The following AGMO variants were observed in gnomAD, a reference collection of about 807,000 sequenced individuals.
AGMO encodes alkylglycerol monooxygenase.
A neutral mutation model predicts 60.2 loss-of-function variants in AGMO; 75 were observed. The observed-to-expected ratio is 1.25, with a 90% CI of 1.03 to 1.51. The LOEUF (loss-of-function observed/expected upper bound fraction) is 1.51, where lower values mean the gene tolerates loss of function less well. AGMO is among the 40% of genes most tolerant of loss of function. The pLI is 0.00. For missense variants in AGMO, 763 were observed against 525.5 expected (o/e 1.45, Z -4.42); for synonymous variants, 261 against 177.1 (o/e 1.47, Z -3.76).
chr7:15,376,309 G>A lies in AGMO; in HGVS notation c.1074+9137C>T, dbSNP rs79651114. Among the ~76,000 whole-genome samples, 596 of 152,076 alleles carry A rather than the reference G, an allele frequency of 3.9e-3. 4 individuals carry two copies. Among genetic ancestry groups the A allele is most frequent in the African/African-American group, 0.014 (568 of 41,464 alleles). On this transcript the variant is annotated intron_variant, in intron 10 of 12. Coordinates refer to ENST00000342526, the MANE Select transcript of AGMO (RefSeq NM_001004320.2). ...ACATTGACTTGAAAACTTTCATGAA[G>A]AACCTAAGCTAGATCTAATTTGTGC...
chr7:15,499,908 C>CAA, intron 3 of AGMO, among the ~76,000 whole-genome samples: 1 of 34,442 alleles, frequency 2.9e-5, no homozygotes, highest in East Asian at 2.6e-3. Context: ...ATGTATTACG[C>CAA]ACACACACAC....
chr7:15,322,604 A>C (rs1244056629), intron 12 of AGMO, among the ~76,000 whole-genome samples: 35 of 42,644 alleles, frequency 8.2e-4, no homozygotes, highest in African/African-American at 1.5e-3. Flanking sequence ...ATATATATAA[A>C]TATATATAAA....
At chr7:15,154,486 C>T in the AGMO span, among the ~76,000 whole-genome samples, 9 of 152,086 alleles carry the variant, frequency 5.9e-5, no homozygotes, top group Non-Finnish European at 1.3e-4. Flanking sequence ...TACTTTGAGC[C>T]TTTGGGTGTC....
the AGMO span, among the ~76,000 whole-genome samples, chr7:15,130,912 T>C: frequency 6.6e-6 from 1 of 152,172 alleles, no homozygotes; most frequent in African/African-American, 2.4e-5. Flanking sequence ...TTGTTTGAAA[T>C]AATTAACTTC....
chr7:15,223,704 G>A (rs2128497611), intron 12 of AGMO, among the ~76,000 whole-genome samples: 1 of 151,996 alleles, frequency 6.6e-6, no homozygotes, highest in South Asian at 2.1e-4. Flanking sequence ...CCTAGACAAT[G>A]CATAGTCTCT....
intron 6 of AGMO, among the ~76,000 whole-genome samples, chr7:15,393,156 G>T (rs1480869717): frequency 6.6e-6 from 1 of 152,166 alleles, no homozygotes; most frequent in Non-Finnish European, 1.5e-5. Context: ...GTTGAGTTTG[G>T]AAGAGGAAAC....
At chr7:15,330,293 A>G (rs1306662850) in intron 12 of AGMO, among the ~76,000 whole-genome samples, 2 of 152,172 alleles carry the variant, frequency 1.3e-5, no homozygotes, top group African/African-American at 4.8e-5. Context: ...AATCATTGAT[A>G]AACATTAACT....
At chr7:15,215,692 A>C (rs572253700) in intron 12 of AGMO, among the ~76,000 whole-genome samples, 1 of 152,208 alleles carries the variant, frequency 6.6e-6, no homozygotes, top group African/African-American at 2.4e-5. Flanking sequence ...GAGAATATCA[A>C]AGCTACCAAG....
intron 12 of AGMO, among the ~76,000 whole-genome samples, chr7:15,333,769 T>C (rs1247269814): frequency 6.6e-6 from 1 of 152,068 alleles, no homozygotes; most frequent in East Asian, 1.9e-4. Flanking sequence ...TCACAATCAG[T>C]GATTCCCAAC....
rs931651846 is a variant in AGMO at position 15,365,514 on chromosome 7, C to T, written c.1263G>A (p.Glu421=). Residue 421 remains glutamate (E), a splice_region_variant and synonymous_variant, in exon 12 of 13, where the codon GAG becomes GAA. Transcript: ENST00000342526. The part of the protein sequence containing the change: ...PLVPSLSSAF[E]IVFSICIAFW... Reference sequence around the variant, plus strand: ...GTGGCTACCTAAACAAATGTCTTACCTCAAAAGCAGATGACAATGAAGGGA... The same window carrying T: ...GTGGCTACCTAAACAAATGTCTTACTTCAAAAGCAGATGACAATGAAGGGA... 3.1e-6 allele frequency: 5 copies of T among 1,606,622 alleles called. No individual in the cohort carries two copies. In the African/African-American group the frequency reaches 4.0e-5, roughly 13 times the overall value.
chr7:15,365,980 A>T (rs968384326), intron 11 of AGMO, among the ~76,000 whole-genome samples, 160 bp downstream of exon 11: 1 of 152,216 alleles, frequency 6.6e-6, no homozygotes, highest in Middle Eastern at 3.4e-3. Context: ...AGGAGAACTG[A>T]TATAGTTAAC....
At chr7:15,210,397 T>A (rs1781555038) in intron 12 of AGMO, among the ~76,000 whole-genome samples, 1 of 152,202 alleles carries the variant, frequency 6.6e-6, no homozygotes, top group African/African-American at 2.4e-5. Flanking sequence ...AGATGTTGAT[T>A]TACTTTTTAA....
At position 15,431,087 on chromosome 7, in the gene AGMO, C is replaced by A; in HGVS notation, c.431G>T (p.Gly144Val). The stretch of plus-strand genomic sequence containing the variant: ...TTCAGAACTATGATGTGTTTGGTGT[C>A]CGGCCCACATAATATTAACTTCTGC... The part of the protein sequence containing the change: ...MAHEVNIMWA[G>V]HQTHHSSEDY... The change falls in exon 4 of 13, where the codon GGA becomes GTA. Residue 144 changes from glycine to valine, a missense_variant. Physicochemically the swap from Gly to Val is moderately radical, Grantham distance 109. Transcript: ENST00000342526. The A allele has an allele frequency of 1.2e-6, 2 of 1,611,052 alleles. No homozygotes were observed. Among genetic ancestry groups the A allele is most frequent in the Non-Finnish European group, 8.5e-7 (1 of 1,178,024 alleles).
chr7:15,201,977 G>C (rs1333682990), intron 12 of AGMO, among the ~76,000 whole-genome samples: 2 of 152,020 alleles, frequency 1.3e-5, no homozygotes, highest in Middle Eastern at 3.2e-3. Context: ...CTCTGGTCAT[G>C]GTCTTTGCAC....
At chr7:15,241,459 C>CAACA (rs1397699834) in intron 12 of AGMO, among the ~76,000 whole-genome samples, 5 of 51,358 alleles carry the variant, frequency 9.7e-5, no homozygotes, top group Non-Finnish European at 1.5e-4. Context: ...GACTCCGTCT[C>CAACA]AAAAAAAAAA....
intron 10 of AGMO, among the ~76,000 whole-genome samples, chr7:15,372,177 G>A (rs1299490364): frequency 1.3e-5 from 2 of 151,982 alleles, no homozygotes; most frequent in Non-Finnish European, 2.9e-5. Context: ...GCGGCTGGGT[G>A]TGGTGGCTCA....
chr7:15,248,197 T>TATATATAC (rs1554401234), intron 12 of AGMO, among the ~76,000 whole-genome samples: 2 of 82,590 alleles, frequency 2.4e-5, no homozygotes, highest in Non-Finnish European at 4.8e-5. Context: ...TATATATATA[T>TATATATAC]ATATATATAT....
the AGMO span, among the ~76,000 whole-genome samples, chr7:15,173,139 GTTGAAGTAAATCTATTGAATATATTTA>G: frequency 6.6e-6 from 1 of 151,962 alleles, no homozygotes; most frequent in Non-Finnish European, 1.5e-5. Context: ...GAATATATTT[GTTGAAGTAAATCTATTGAATATATTTA>G]TTGAAGTAAA....
chr7:15,392,575 A>T (rs1784189014), intron 6 of AGMO, among the ~76,000 whole-genome samples: 3 of 152,046 alleles, frequency 2.0e-5, no homozygotes, highest in Non-Finnish European at 4.4e-5. Flanking sequence ...CCAAGGAGGA[A>T]GGATCATGAG....
Sources: gnomAD v4.1 joint callset for allele counts (sites outside exome capture counted in the v4.1 genomes callset) on GRCh38, gnomAD v4.1.1 for gene constraint, MANE v1.5 for transcripts, NCBI Gene and HGNC (gene_info 2026-07-23, HGNC 2026-07-21) for gene names.